Variants in NRXN1 observed in about 807,000 individuals in gnomAD.
The protein encoded by NRXN1 is neurexin 1, also known as neurexin-1.
Under a neutral mutation model 150.9 loss-of-function variants are expected in NRXN1, and 39 were observed. That is an observed-to-expected ratio of 0.26 (90% CI 0.20 to 0.34). The LOEUF is 0.34. NRXN1 is among the 10% of genes least tolerant of loss of function. The pLI, the probability that NRXN1 is intolerant of heterozygous loss-of-function variation, is 1.00. For synonymous variants in NRXN1, 924 were observed against 757.0 expected, an observed-to-expected ratio of 1.22 and a Z score of -3.62; for missense variants, 1,815 against 1,949.9, an observed-to-expected ratio of 0.93 and a Z score of 1.30.
At chr2:50,286,309 CT>C (rs1288989911) in intron 17 of NRXN1, among the ~76,000 whole-genome samples, 1 of 152,124 alleles carries the variant, frequency 6.6e-6, no homozygotes, top group African/African-American at 2.4e-5. Flanking sequence ...CTCCTACCCC[CT>C]AGTAATCACA....
intron 21 of NRXN1, among the ~76,000 whole-genome samples, chr2:50,011,577 C>A (rs891144728): frequency 6.6e-6 from 1 of 152,066 alleles, no homozygotes; most frequent in Admixed American, 6.6e-5. Flanking sequence ...TGGAGCCCAG[C>A]AGGCAGCTAG....
At chr2:50,911,468 C>T (rs1040091639) in intron 5 of NRXN1, among the ~76,000 whole-genome samples, 2 of 151,580 alleles carry the variant, frequency 1.3e-5, no homozygotes, top group Non-Finnish European at 2.9e-5. Flanking sequence ...AGAATACTGT[C>T]TATTATTTTT....
intron 18 of NRXN1, among the ~76,000 whole-genome samples, chr2:50,200,952 C>G (rs1343314888): frequency 6.6e-6 from 1 of 151,968 alleles, no homozygotes; most frequent in African/African-American, 2.4e-5. Flanking sequence ...AGCTATAAAT[C>G]GACTTCTGAA....
intron 17 of NRXN1, among the ~76,000 whole-genome samples, chr2:50,372,816 C>G (rs1178054848): frequency 6.6e-6 from 1 of 151,934 alleles, no homozygotes. Context: ...ATTATTTATA[C>G]CAGCACTCCC....
At chr2:50,700,958 G>T (rs951913109) in intron 5 of NRXN1, among the ~76,000 whole-genome samples, 1 of 152,028 alleles carries the variant, frequency 6.6e-6, no homozygotes, top group East Asian at 1.9e-4. Context: ...GAGCAACTGC[G>T]CCCGGCCAGG....
chr2:50,224,874 A>G (rs2064226165), intron 18 of NRXN1, among the ~76,000 whole-genome samples: 1 of 151,966 alleles, frequency 6.6e-6, no homozygotes, highest in Non-Finnish European at 1.5e-5. Flanking sequence ...GGATGCAGGG[A>G]AATATATCAC....
intron 5 of NRXN1, among the ~76,000 whole-genome samples, chr2:50,681,572 T>A (rs780189296): frequency 4.1e-4 from 62 of 152,148 alleles, no homozygotes; most frequent in Non-Finnish European, 7.2e-4. Context: ...TAAATACTAA[T>A]GAGAATGCAT....
chr2:50,928,936 G>T (rs1291835438), intron 2 of NRXN1, among the ~76,000 whole-genome samples: 3 of 151,852 alleles, frequency 2.0e-5, no homozygotes, highest in Non-Finnish European at 4.4e-5. Flanking sequence ...TCTTTTCATT[G>T]GAAAAATAAT....
In NRXN1 at chr2:50,389,668, C is replaced by T. The variant is rs769320938; in HGVS notation, c.3364+75774G>A. ...ATCTTTTCTTGGTTTGAAGCATCTT[C>T]GATAATTTTAAGTTAATAAATTGCT... On this transcript the variant is annotated intron_variant, in intron 17 of 22. Coordinates refer to ENST00000401669, the MANE Select transcript of NRXN1 (RefSeq NM_001330078.2). Among the ~76,000 whole-genome samples, 6 of 152,046 alleles carry T rather than the reference C, an allele frequency of 3.9e-5. 1 individual carries two copies. Among genetic ancestry groups the T allele is most frequent in the Non-Finnish European group, 8.8e-5 (6 of 68,012 alleles).
chr2:50,134,636 C>T (rs1462774064), intron 18 of NRXN1, among the ~76,000 whole-genome samples: 1 of 152,168 alleles, frequency 6.6e-6, no homozygotes, highest in Non-Finnish European at 1.5e-5. Flanking sequence ...ATGTGAGATA[C>T]TGACACCAAG....
At chr2:50,124,336 A>G (rs890233992) in intron 18 of NRXN1, among the ~76,000 whole-genome samples, 1 of 152,112 alleles carries the variant, frequency 6.6e-6, no homozygotes, top group Non-Finnish European at 1.5e-5. Context: ...TTAAGCAGGG[A>G]ATTGAGACTG....
intron 5 of NRXN1, among the ~76,000 whole-genome samples, chr2:50,675,140 T>C (rs1462424920): frequency 6.6e-6 from 1 of 152,166 alleles, no homozygotes; most frequent in Middle Eastern, 3.4e-3. Context: ...GCCAAGCAGA[T>C]GCTGGCATCA....
At chr2:49,962,476 C>G (rs571801299) in intron 21 of NRXN1, among the ~76,000 whole-genome samples, 2 of 152,210 alleles carry the variant, frequency 1.3e-5, no homozygotes, top group South Asian at 2.1e-4. Context: ...TATGTAATGC[C>G]TGAAACTAGT....
chr2:50,422,678 C>T (rs1433033192), intron 17 of NRXN1, among the ~76,000 whole-genome samples: 1 of 152,154 alleles, frequency 6.6e-6, no homozygotes, highest in Non-Finnish European at 1.5e-5. Flanking sequence ...AATTACTTAT[C>T]TAAGTGCAGA....
chr2:50,691,571 T>G (rs983765216), intron 5 of NRXN1, among the ~76,000 whole-genome samples: 1 of 152,210 alleles, frequency 6.6e-6, no homozygotes, highest in Non-Finnish European at 1.5e-5. Context: ...TTGCAAAGAT[T>G]TGTAATGCTT....
intron 21 of NRXN1, among the ~76,000 whole-genome samples, chr2:49,944,922 T>C (rs1672622721): frequency 6.6e-6 from 1 of 152,196 alleles, no homozygotes; most frequent in African/African-American, 2.4e-5. Flanking sequence ...AAGGAGCACC[T>C]AATATTGTCA....
intron 2 of NRXN1, among the ~76,000 whole-genome samples, chr2:50,953,873 T>G (rs1691836499): frequency 6.6e-6 from 1 of 152,102 alleles, no homozygotes; most frequent in Non-Finnish European, 1.5e-5. Context: ...AACTGACAAA[T>G]ATGAGTCACA....
chr2:50,991,922 T>A (rs1251655075), intron 2 of NRXN1, among the ~76,000 whole-genome samples: 5 of 152,052 alleles, frequency 3.3e-5, no homozygotes, highest in Non-Finnish European at 7.4e-5. Flanking sequence ...TCCGCCATTA[T>A]TTTCTAAGCA....
chr2:50,500,934 T>C (rs2091909312), intron 13 of NRXN1, among the ~76,000 whole-genome samples: 1 of 152,124 alleles, frequency 6.6e-6, no homozygotes, highest in Non-Finnish European at 1.5e-5. Flanking sequence ...AGAAATAGTG[T>C]TGAGAGGGGC....
Sources: allele counts gnomAD v4.1 joint callset (sites outside exome capture counted in the v4.1 genomes callset), GRCh38; gene constraint gnomAD v4.1.1; transcripts MANE v1.5; gene names NCBI Gene and HGNC (gene_info 2026-07-23, HGNC 2026-07-21).